PCNT: variants seen among roughly 807,000 people sequenced by gnomAD.
PCNT encodes kendrin.
A neutral mutation model predicts 380.4 loss-of-function variants in PCNT; 319 were observed. The ratio of observed to expected loss-of-function variants is 0.84; its 90% CI spans 0.77 to 0.92. The LOEUF (loss-of-function observed/expected upper bound fraction) is 0.92. Ranked by LOEUF, PCNT falls within the 40% of genes least tolerant of loss-of-function variation. The pLI is 0.00. For missense variants in PCNT, 4,400 were observed against 4,255.3 expected (o/e 1.03, Z -0.95); for synonymous variants, 1,845 against 1,735.2 (o/e 1.06, Z -1.57).
Position 46,349,760 on chromosome 21 carries a change from C to T in PCNT, c.1284C>T (p.Gly428=). The T allele has an allele frequency of 6.2e-7, 1 of 1,613,960 alleles. No homozygotes were observed. Among genetic ancestry groups the T allele is most frequent in the African/African-American group, 1.3e-5 (1 of 75,020 alleles). Residue 428 remains glycine (G), a synonymous_variant, in exon 8 of 47, where the codon GGC becomes GGT. Coordinates refer to ENST00000359568, the MANE Select transcript of PCNT (RefSeq NM_006031.6). ...KLREDLQSEH[G]RCLEDLEFKF... ...GTGAAGACCTGCAGTCCGAGCACGG[C>T]CGGTGTTTAGAAGACTTGGAGTTCA...
At chr21:46,409,754 C>T (rs1364395206) in intron 27 of PCNT, among the ~76,000 whole-genome samples, 5 of 152,070 alleles carry the variant, frequency 3.3e-5, no homozygotes, top group Non-Finnish European at 7.4e-5. Context: ...TGCCCACGCC[C>T]GGCTAATTTT....
In PCNT at chr21:46,401,671, G is replaced by A. The variant is rs1233362199; in HGVS notation, c.4912G>A (p.Glu1638Lys). 5 of 1,614,100 alleles carry A rather than the reference G, an allele frequency of 3.1e-6. No homozygotes were observed. The highest frequency in any genetic ancestry group is 4.2e-6 in the Non-Finnish European group (5 of 1,180,028). ...PPSGSPPEGPEIQLEVTQRAL... is the reference protein window; with the variant it reads ...PPSGSPPEGPKIQLEVTQRAL... ...TTCGGGCAGCCCTCCTGAGGGTCCA[G>A]AAATACAGTTAGAGGTGACACAGAG... The change falls in exon 26 of 47, where the codon GAA (glutamate) becomes AAA (lysine). Residue 1638 changes from glutamate (E) to lysine (K), a missense_variant. Coordinates refer to ENST00000359568, the MANE Select transcript of PCNT (RefSeq NM_006031.6).
chr21:46,418,887 GC>G (rs1366166987), intron 31 of PCNT, among the ~76,000 whole-genome samples: 14 of 152,336 alleles, frequency 9.2e-5, no homozygotes, highest in African/African-American at 2.9e-4. Context: ...AGGTGCGTGG[GC>G]TTGACTTGGG....
At position 46,346,130 on chromosome 21, in the gene PCNT, GTGTGAACAAGAA is replaced by G; in HGVS notation, c.650_661del (p.Gln217_Glu220del). ...CATTCTTTGCCTTTTTTCCCCAGGA[GTGTGAACAAGAA>G]TGTGAACTTGCCATTACTGACCTGG... is the stretch of plus-strand genomic sequence containing the variant. On this transcript the variant is annotated inframe_deletion, in exon 4 of 47. Coordinates refer to ENST00000359568, the MANE Select transcript of PCNT (RefSeq NM_006031.6). 1 of 1,614,130 alleles carries G rather than the reference GTGTGAACAAGAA, an allele frequency of 6.2e-7. No homozygotes were observed. Among genetic ancestry groups the G allele is most frequent in the Non-Finnish European group, 8.5e-7 (1 of 1,179,952 alleles).
At position 46,327,355 on chromosome 21, in the gene PCNT, G is replaced by A. The variant is rs575729230; in HGVS notation, c.267+766G>A. Among the ~76,000 whole-genome samples the A allele has an allele frequency of 1.3e-4, 20 of 151,990 alleles. No homozygotes were observed. The East Asian group carries it at 1.4e-3, about 10-fold the overall frequency. ...ATTATAGGCATGAGCCACCGTGCCC[G>A]GCCTATGGTTTTATTCTTAATAAAT... On this transcript the variant is annotated intron_variant, in intron 2 of 46. Transcript: ENST00000359568.
rs367977723 is a variant in PCNT, at chr21:46,422,082, G to T, written c.7137G>T (p.Pro2379=). 67 of 1,613,810 alleles carry T rather than the reference G, an allele frequency of 4.2e-5. No individual in the cohort carries two copies. Among genetic ancestry groups the T allele is most frequent in the Non-Finnish European group, 5.7e-5 (67 of 1,180,040 alleles). ...ASISGRFQPL[P]EAMKEKEVRP... ...TCTCTGGAAGGTTTCAGCCGCTGCCGGAAGCCATGAAGGAGAAGGAAGTGC... is the reference window on the plus strand; with the variant it reads ...TCTCTGGAAGGTTTCAGCCGCTGCCTGAAGCCATGAAGGAGAAGGAAGTGC... The change falls in exon 32 of 47, where the codon CCG becomes CCT. Residue 2379 remains proline, a synonymous_variant. Transcript: ENST00000359568.
intron 11 of PCNT, among the ~76,000 whole-genome samples, chr21:46,355,250 G>A (rs1051941601): frequency 6.6e-6 from 1 of 152,270 alleles, no homozygotes; most frequent in African/African-American, 2.4e-5. Flanking sequence ...CCGGAGGCCT[G>A]ACTGAGAGAC....
At chr21:46,370,854 T>C (rs2085098249) in intron 15 of PCNT, among the ~76,000 whole-genome samples, 1 of 152,142 alleles carries the variant, frequency 6.6e-6, no homozygotes. Flanking sequence ...GCTAACACGG[T>C]GGAACCCCGT....
intron 20 of PCNT, 105 bp downstream of exon 20, chr21:46,390,937 G>A: frequency 2.1e-6 from 3 of 1,397,414 alleles, no homozygotes; most frequent in Non-Finnish European, 3.0e-6. Context: ...AAAGTGAAAT[G>A]TAAAAACAAA....
At chr21:46,437,123 C>CTGGGGGAGGAG in intron 40 of PCNT, 42 bp downstream of exon 40, 2 of 1,278,290 alleles carry the variant, frequency 1.6e-6, no homozygotes, top group Non-Finnish European at 2.3e-6. Flanking sequence ...TGGCTCCTCC[C>CTGGGGGAGGAG]CCAGAGGGGC....
At chr21:46,436,743 C>T (rs2053467000) in intron 39 of PCNT, among the ~76,000 whole-genome samples, 1 of 152,120 alleles carries the variant, frequency 6.6e-6, no homozygotes, top group Non-Finnish European at 1.5e-5. Context: ...CGGTGGCTTC[C>T]CGTGCTCGGT....
Position 46,411,135 on chromosome 21 carries a change from G to T in PCNT, c.5116-54G>T, listed in dbSNP as rs536553387. 2.6e-4 allele frequency: 406 copies of T among 1,547,542 alleles called. 3 individuals are homozygous for T. The African/African-American group carries it at 4.8e-3, about 18-fold the overall frequency. On this transcript the variant is annotated intron_variant, in intron 27 of 46. Transcript: ENST00000359568. ...AGGATGTAACGTGCCCTGAAGTAGG[G>T]ACATTCGGAAGTGGATACATTTAAT...
chr21:46,350,870 G>A (rs527831620), intron 8 of PCNT, among the ~76,000 whole-genome samples: 47 of 152,292 alleles, frequency 3.1e-4, no homozygotes, highest in Non-Finnish European at 5.3e-4. Context: ...TTTCCATGAG[G>A]AGGACAGGCC....
chr21:46,378,736 G>A (rs922783887), intron 15 of PCNT, among the ~76,000 whole-genome samples: 6 of 152,222 alleles, frequency 3.9e-5, no homozygotes, highest in Admixed American at 2.0e-4. Flanking sequence ...TGCCCTGAGC[G>A]TTACAGCAAG....
At chr21:46,378,117 T>G (rs1212910023) in intron 15 of PCNT, among the ~76,000 whole-genome samples, 6 of 152,176 alleles carry the variant, frequency 3.9e-5, no homozygotes, top group African/African-American at 1.4e-4. Context: ...TTTTTTCACT[T>G]TAATTTCCTT....
Position 46,428,418 on chromosome 21 carries a change from G to C in PCNT, c.7518G>C (p.Leu2506=), listed in dbSNP as rs1272024456. Residue 2506 remains leucine (L), a synonymous_variant, in exon 35 of 47, where the codon CTG becomes CTC. Coordinates refer to ENST00000359568, the MANE Select transcript of PCNT (RefSeq NM_006031.6). The part of the protein sequence containing the change: ...REQGDLQEKS[L]EHLRLPDRSS... ...AGGGAGACCTGCAGGAAAAGTCCCT[G>C]GAGCATCTTCGCTTGCCGGACCGGA... The C allele has an allele frequency of 6.2e-7, 1 of 1,612,540 alleles. No individual in the cohort carries two copies. Among genetic ancestry groups the C allele is most frequent in the Admixed American group, 1.7e-5 (1 of 59,990 alleles).
chr21:46,439,269 G>GCC (rs1314911117), intron 41 of PCNT, among the ~76,000 whole-genome samples: 1 of 152,118 alleles, frequency 6.6e-6, no homozygotes, highest in Non-Finnish European at 1.5e-5. Context: ...ACAGGCCCTG[G>GCC]CTCTCTCCCA....
Position 46,416,554 on chromosome 21 carries a change from G to GA in PCNT, c.6638dup (p.Ser2214GlufsTer15). ...GCCACACTGCAGAGGCTGGGCCCCGGAAGAGCCCGGTCGGGATGCTGGACC... is the reference window on the plus strand; with the variant it reads ...GCCACACTGCAGAGGCTGGGCCCCGGAAAGAGCCCGGTCGGGATGCTGGACC... On this transcript the variant is annotated frameshift_variant, in exon 30 of 47. Transcript: ENST00000359568. LOFTEE classifies it high-confidence loss of function. 6.2e-7 allele frequency: 1 copy of GA among 1,612,950 alleles called. No homozygotes were observed. The highest frequency in any genetic ancestry group is 8.5e-7 in the Non-Finnish European group (1 of 1,179,668).
intron 21 of PCNT, among the ~76,000 whole-genome samples, chr21:46,395,227 A>G (rs2086168499): frequency 6.6e-6 from 1 of 152,252 alleles, no homozygotes; most frequent in Non-Finnish European, 1.5e-5. Flanking sequence ...ACAAATCAAA[A>G]TGATTTTTTG....
Sources: gnomAD v4.1 joint callset for allele counts (sites outside exome capture counted in the v4.1 genomes callset) on GRCh38, gnomAD v4.1.1 for gene constraint, MANE v1.5 for transcripts, NCBI Gene and HGNC (gene_info 2026-07-23, HGNC 2026-07-21) for gene names.